Variants in PLEKHM2 observed in about 807,000 individuals in gnomAD.
PLEKHM2 encodes pleckstrin homology domain-containing family M member 2.
A neutral mutation model predicts 116.3 loss-of-function variants in PLEKHM2; 77 were observed. The ratio of observed to expected loss-of-function variants is 0.66; its 90% CI spans 0.55 to 0.80. The LOEUF (loss-of-function observed/expected upper bound fraction) is 0.80, where lower values mean the gene tolerates loss of function less well. PLEKHM2 is among the 30% of genes least tolerant of loss of function. PLEKHM2 has a pLI of 0.00. For missense variants in PLEKHM2, 1,183 were observed against 1,354.9 expected (o/e 0.87, Z 1.99); for synonymous variants, 562 against 571.0 (o/e 0.98, Z 0.22).
At chr1:15,711,121 G>A (rs1394402953) in intron 1 of PLEKHM2, among the ~76,000 whole-genome samples, 2 of 152,164 alleles carry the variant, frequency 1.3e-5, no homozygotes, top group Non-Finnish European at 2.9e-5. Context: ...TAGCATTTTG[G>A]GAGGCCAAGG....
upstream of PLEKHM2, among the ~76,000 whole-genome samples, chr1:15,684,009 G>A (rs1200663883): frequency 4.0e-5 from 6 of 151,108 alleles, no homozygotes; most frequent in African/African-American, 1.5e-4. Flanking sequence ...AGTCCCTGGG[G>A]TCTGAGGGTG....
At position 15,727,959 on chromosome 1, in the gene PLEKHM2, C is replaced by A; in HGVS notation, c.1761-120C>A. The A allele has an allele frequency of 8.3e-7, 1 of 1,200,856 alleles. No homozygotes were observed. The highest frequency in any genetic ancestry group is 1.2e-6 in the Non-Finnish European group (1 of 832,426). The allele number at this position is 1,200,856 out of a possible 1,614,324, so 74.4% of individuals were successfully genotyped here. A position where few individuals can be genotyped will look rare whatever the true frequency, so the allele number is the denominator to read the frequency against. The stretch of plus-strand genomic sequence containing the variant: ...CTGAGTGAGAAGGGGTGTGAGCCTC[C>A]CTCCCTAACTTTGGCTCCTAGTGGG... On this transcript the variant is annotated intron_variant, in intron 9 of 19. Coordinates refer to ENST00000375799, the MANE Select transcript of PLEKHM2 (RefSeq NM_015164.4). The surrounding 1 kb of genome is among the most constrained non-coding windows in gnomAD (Gnocchi z 7.5).
rs2068078632 is a variant in PLEKHM2, at chr1:15,727,372, G to C, written c.1300G>C (p.Asp434His). ...CTGGTGCTCCCGTGCTGAGCCCCCAGACCAGTCCTTTCGGACCGGCTCTCC... is the reference window on the plus strand; with the variant it reads ...CTGGTGCTCCCGTGCTGAGCCCCCACACCAGTCCTTTCGGACCGGCTCTCC... ...STWCSRAEPPDQSFRTGSPGD... is the reference protein window; with the variant it reads ...STWCSRAEPPHQSFRTGSPGD... Residue 434 changes from aspartate to histidine, a missense_variant, in exon 9 of 20, where the codon GAC becomes CAC. Physicochemically the swap from Asp to His is moderately conservative, Grantham distance 81. Coordinates refer to ENST00000375799, the MANE Select transcript of PLEKHM2 (RefSeq NM_015164.4). This position sits in a 1 kb window ranked among gnomAD's most constrained non-coding sequence, Gnocchi z 7.5. 2 of 1,602,204 alleles carry C rather than the reference G, an allele frequency of 1.2e-6. No homozygotes were observed. Among genetic ancestry groups the C allele is most frequent in the Non-Finnish European group, 1.7e-6 (2 of 1,175,178 alleles).
intron 1 of PLEKHM2, among the ~76,000 whole-genome samples, chr1:15,711,368 C>CA (rs1170116575): frequency 3.3e-5 from 5 of 152,056 alleles, no homozygotes; most frequent in Non-Finnish European, 2.9e-5. Flanking sequence ...GTAATCCCCA[C>CA]ACTTTGGGAG....
chr1:15,685,273 A>G (rs1381229153), intron 1 of PLEKHM2, among the ~76,000 whole-genome samples: 2 of 152,202 alleles, frequency 1.3e-5, no homozygotes, highest in Admixed American at 6.5e-5. Flanking sequence ...CACTGTCCCA[A>G]TTCCAGGTAG....
At chr1:15,699,895 G>A (rs771187872) in intron 1 of PLEKHM2, among the ~76,000 whole-genome samples, 2 of 151,894 alleles carry the variant, frequency 1.3e-5, no homozygotes, top group Non-Finnish European at 2.9e-5. Context: ...TGGAAGGATT[G>A]CTTGAGCCCA....
At chr1:15,686,938 C>T (rs901740366) in intron 1 of PLEKHM2, among the ~76,000 whole-genome samples, 1 of 151,934 alleles carries the variant, frequency 6.6e-6, no homozygotes, top group African/African-American at 2.4e-5. Flanking sequence ...GCGTGAGCCA[C>T]GGCGCCCAGC....
chr1:15,712,499 A>G (rs1641355487), intron 1 of PLEKHM2, among the ~76,000 whole-genome samples: 1 of 152,236 alleles, frequency 6.6e-6, no homozygotes, highest in African/African-American at 2.4e-5. Flanking sequence ...TGGTCACTGC[A>G]ATATTATGTG....
Position 15,721,664 on chromosome 1 carries a change from T to G in PLEKHM2, c.712+276T>G, listed in dbSNP as rs2067998981. On this transcript the variant is annotated intron_variant, in intron 7 of 19. Coordinates refer to ENST00000375799, the MANE Select transcript of PLEKHM2 (RefSeq NM_015164.4). This position sits in a 1 kb window ranked among gnomAD's most constrained non-coding sequence, Gnocchi z 5.1. ...ATTTCGGGGGATACAGGGTCACCCT[T>G]CCTGATTCCAGTGCCAGCTGATGCT... Among the ~76,000 whole-genome samples the G allele has an allele frequency of 6.6e-6, 1 of 152,034 alleles. No homozygotes were observed. Among genetic ancestry groups the G allele is most frequent in the Non-Finnish European group, 1.5e-5 (1 of 67,998 alleles).
At chr1:15,726,383 C>T (rs1018910907) in intron 8 of PLEKHM2, among the ~76,000 whole-genome samples, 28 of 152,330 alleles carry the variant, frequency 1.8e-4, no homozygotes, top group African/African-American at 6.5e-4. Flanking sequence ...GCCCTGTGTG[C>T]GTGTCAGACT....
intron 1 of PLEKHM2, among the ~76,000 whole-genome samples, chr1:15,691,815 G>A (rs899457296): frequency 2.6e-5 from 4 of 152,248 alleles, no homozygotes; most frequent in South Asian, 4.1e-4. Flanking sequence ...AGCTGGGGGC[G>A]GGGAGGCGAG....
rs745867909 is a variant in PLEKHM2 at position 15,731,196 on chromosome 1, G to A, written c.2404G>A (p.Gly802Arg). The A allele has an allele frequency of 2.6e-5, 41 of 1,595,826 alleles. No homozygotes were observed. Among genetic ancestry groups the A allele is most frequent in the East Asian group, 4.5e-5 (2 of 43,978 alleles). ...WKTCFVVLSN[G>R]ILYQYPDRTD... is the part of the protein sequence containing the mutation. ...CCCTGTGTTGTGCCCCTGCAGCAAC[G>A]GGATCCTCTACCAGTACCCGGACCG... The change falls in exon 16 of 20, where the codon GGG (glycine) becomes AGG (arginine). Residue 802 changes from glycine to arginine, a missense_variant. Physicochemically the swap from Gly to Arg is moderately radical, Grantham distance 125. Transcript: ENST00000375799.
chr1:15,729,899 CA>C lies in PLEKHM2; in HGVS notation c.2181del (p.Lys727AsnfsTer93). 1 of 1,612,928 alleles carries C rather than the reference CA, an allele frequency of 6.2e-7. No homozygotes were observed. Among genetic ancestry groups the C allele is most frequent in the Non-Finnish European group, 8.5e-7 (1 of 1,179,720 alleles). On this transcript the variant is annotated frameshift_variant, in exon 14 of 20. Transcript: ENST00000375799. LOFTEE classifies it high-confidence loss of function. This position sits in a 1 kb window ranked among gnomAD's most constrained non-coding sequence, Gnocchi z 4.7. ...CCACCATGGAGAAGCTGGCACTGGCCAAATTTGTGGCCCAAGAATCGAAGTG... is the reference window on the plus strand; with the variant it reads ...CCACCATGGAGAAGCTGGCACTGGCCAATTTGTGGCCCAAGAATCGAAGTG... ...DATMEKLALAKFVAQESKCEA... is the reference protein window; with the variant it reads ...DATMEKLALAXFVAQESKCEA...
At chr1:15,683,483 T>C (rs1418952084), upstream of PLEKHM2, among the ~76,000 whole-genome samples, 1 of 146,012 alleles carries the variant, frequency 6.8e-6, no homozygotes, top group Non-Finnish European at 1.5e-5. Flanking sequence ...GTGTCTCGAG[T>C]CTCTGAGGAG....
rs1557661864 is a variant in PLEKHM2 at position 15,729,778 on chromosome 1, A to G, written c.2076-19A>G. The G allele has an allele frequency of 6.2e-7, 1 of 1,602,940 alleles. No homozygotes were observed. The highest frequency in any genetic ancestry group is 1.7e-5 in the Admixed American group (1 of 57,968). On this transcript the variant is annotated intron_variant, in intron 13 of 19. Transcript: ENST00000375799. The surrounding 1 kb of genome is among the most constrained non-coding windows in gnomAD (Gnocchi z 4.7). Reference sequence around the variant, plus strand: ...CCCTGTTCCCAGGCCTCTAACCACAAACCTCACTCCCTATGCAGGTTCTTT... The same window carrying G: ...CCCTGTTCCCAGGCCTCTAACCACAGACCTCACTCCCTATGCAGGTTCTTT...
intron 16 of PLEKHM2, among the ~76,000 whole-genome samples, chr1:15,731,664 A>T (rs2068144707): frequency 6.6e-6 from 1 of 151,986 alleles, no homozygotes; most frequent in Non-Finnish European, 1.5e-5. Flanking sequence ...TATCTAGAGG[A>T]TCTTGGGCAT....
Position 15,719,490 on chromosome 1 carries a change from G to T in PLEKHM2, c.466-244G>T, listed in dbSNP as rs952938276. Among the ~76,000 whole-genome samples the T allele has an allele frequency of 7.9e-5, 12 of 152,100 alleles. No homozygotes were observed. The South Asian group carries it at 2.5e-3, about 32-fold the overall frequency. ...ATAAATAGAGAGAGAGAGAGATAGC[G>T]GGGGCATCAAAGGGTGTAGCTGAGT... On this transcript the variant is annotated intron_variant, in intron 5 of 19. Coordinates refer to ENST00000375799, the MANE Select transcript of PLEKHM2 (RefSeq NM_015164.4). The surrounding 1 kb of genome is among the most constrained non-coding windows in gnomAD (Gnocchi z 4.1).
At chr1:15,705,606 C>T (rs1321486480) in intron 1 of PLEKHM2, among the ~76,000 whole-genome samples, 2 of 152,164 alleles carry the variant, frequency 1.3e-5, no homozygotes, top group African/African-American at 2.4e-5. Flanking sequence ...CTCCTTTTCC[C>T]TCATGCCCCA....
intron 8 of PLEKHM2, 84 bp downstream of exon 8, chr1:15,725,629 G>A: frequency 1.0e-6 from 1 of 986,424 alleles, no homozygotes; most frequent in Non-Finnish European, 1.5e-6. Context: ...ATCCAGGGCA[G>A]ACCGGGACAC....
Sources: allele counts gnomAD v4.1 joint callset (sites outside exome capture counted in the v4.1 genomes callset), GRCh38; gene constraint gnomAD v4.1.1; non-coding constraint Gnocchi (gnomAD v3.1); transcripts MANE v1.5; gene names NCBI Gene and HGNC (gene_info 2026-07-23, HGNC 2026-07-21).